NAV2: variants seen among roughly 807,000 people sequenced by gnomAD.
NAV2 encodes neuron navigator 2.
In NAV2, 54 loss-of-function variants were observed where a neutral mutation model predicts 223.2. That is an observed-to-expected ratio of 0.24 (90% CI 0.19 to 0.30). The LOEUF (loss-of-function observed/expected upper bound fraction) is 0.30. NAV2 is among the 10% of genes least tolerant of loss of function. The probability of loss-of-function intolerance (pLI) is 1.00; values close to 1 mark genes in which losing one functional copy is unlikely to be tolerated. For synonymous variants in NAV2, 1,279 were observed against 1,239.3 expected (o/e 1.03, Z -0.67); for missense variants, 2,806 against 3,147.5 (o/e 0.89, Z 2.60).
intron 1 of NAV2, among the ~76,000 whole-genome samples, chr11:19,827,880 C>T (rs1363808537): frequency 1.3e-5 from 2 of 152,044 alleles, no homozygotes; most frequent in African/African-American, 2.4e-5. Context: ...TGCGAGCCCA[C>T]GCCCAGGCCT....
intron 3 of NAV2, among the ~76,000 whole-genome samples, chr11:19,851,712 G>T (rs559014153): frequency 1.3e-5 from 2 of 152,230 alleles, no homozygotes; most frequent in Admixed American, 6.5e-5. Flanking sequence ...CAAAAAGTAC[G>T]CCCTCAGTGG....
chr11:19,717,332 G>A (rs1257094428), intron 1 of NAV2, among the ~76,000 whole-genome samples: 1 of 152,230 alleles, frequency 6.6e-6, no homozygotes, highest in Admixed American at 6.5e-5. Context: ...GGGCAACAGG[G>A]CACAACACAG....
chr11:19,351,976 A>AGTGTGTGT (rs59544307), intron 1 of NAV2, among the ~76,000 whole-genome samples: 2,796 of 145,658 alleles, frequency 0.019, 59 homozygotes, highest in African/African-American at 0.053. Context: ...TCTCTCTGTG[A>AGTGTGTGT]GTGTGTGTGT....
intron 11 of NAV2, among the ~76,000 whole-genome samples, chr11:20,034,475 G>A (rs1311312700): frequency 1.3e-5 from 2 of 151,952 alleles, no homozygotes; most frequent in Admixed American, 1.3e-4. Flanking sequence ...TGCCTCCCGG[G>A]TTCAAGCAAT....
chr11:19,670,883 C>A (rs1428388875), intron 1 of NAV2, among the ~76,000 whole-genome samples: 1 of 152,228 alleles, frequency 6.6e-6, no homozygotes, highest in Non-Finnish European at 1.5e-5. Flanking sequence ...CACTCTGCAG[C>A]CACAATCTAG....
At chr11:19,746,060 A>G (rs1219648812) in intron 1 of NAV2, among the ~76,000 whole-genome samples, 1 of 152,246 alleles carries the variant, frequency 6.6e-6, no homozygotes, top group African/African-American at 2.4e-5. Context: ...AGGGAAATGA[A>G]GACACTAAAA....
intron 1 of NAV2, among the ~76,000 whole-genome samples, chr11:19,530,153 T>G (rs2043983564): frequency 6.6e-6 from 1 of 152,108 alleles, no homozygotes. Flanking sequence ...AGCCTGGCAT[T>G]AGCATTCTGG....
At chr11:19,922,068 C>A (rs2044323185) in intron 6 of NAV2, among the ~76,000 whole-genome samples, 2 of 152,104 alleles carry the variant, frequency 1.3e-5, no homozygotes, top group Admixed American at 6.6e-5. Context: ...TTCCCCTTTT[C>A]CACAATTGCT....
intron 1 of NAV2, among the ~76,000 whole-genome samples, chr11:19,549,666 C>T (rs997889400): frequency 7.2e-5 from 11 of 152,232 alleles, no homozygotes; most frequent in African/African-American, 2.7e-4. Flanking sequence ...GGTGAGGGGG[C>T]TCCTGCAGCA....
At chr11:19,973,346 G>A (rs1416137102) in intron 10 of NAV2, among the ~76,000 whole-genome samples, 1 of 152,166 alleles carries the variant, frequency 6.6e-6, no homozygotes, top group Admixed American at 6.5e-5. Flanking sequence ...TGTGAAAAGT[G>A]AGCCTGTGTC....
At chr11:19,426,187 C>T (rs974505256) in intron 1 of NAV2, among the ~76,000 whole-genome samples, 2 of 152,150 alleles carry the variant, frequency 1.3e-5, no homozygotes, top group Non-Finnish European at 2.9e-5. Flanking sequence ...CTGGCCTCTC[C>T]AGTGCTCCTA....
chr11:19,509,558 A>T (rs1327597827), intron 1 of NAV2, among the ~76,000 whole-genome samples: 2 of 152,208 alleles, frequency 1.3e-5, no homozygotes, highest in East Asian at 3.8e-4. Context: ...TCCCGCACCG[A>T]TGGTTGGGAT....
chr11:19,790,739 C>A (rs1192961428), intron 1 of NAV2, among the ~76,000 whole-genome samples: 3 of 152,102 alleles, frequency 2.0e-5, no homozygotes, highest in African/African-American at 7.2e-5. Context: ...TCTTTTACTG[C>A]CCCCCAAGGT....
intron 10 of NAV2, among the ~76,000 whole-genome samples, chr11:19,962,318 A>G (rs2048409192): frequency 6.6e-6 from 1 of 152,050 alleles, no homozygotes; most frequent in African/African-American, 2.4e-5. Flanking sequence ...TTTAACCGTC[A>G]GTCTCATCTA....
chr11:20,118,275 A>T lies in NAV2; in HGVS notation c.*17A>T, dbSNP rs960531991. 6.2e-7 allele frequency: 1 copy of T among 1,612,766 alleles called. No homozygotes were observed. Among genetic ancestry groups the T allele is most frequent in the Non-Finnish European group, 8.5e-7 (1 of 1,179,660 alleles). On this transcript the variant is annotated 3_prime_UTR_variant, in exon 38 of 38. Coordinates refer to ENST00000349880, the MANE Select transcript of NAV2 (RefSeq NM_145117.5). ...ACTCTGTGACAGGGGCCCGGAGCCCAGCGCCCTCCTCTTCTCCTCACCGCA... is the reference window on the plus strand; with the variant it reads ...ACTCTGTGACAGGGGCCCGGAGCCCTGCGCCCTCCTCTTCTCCTCACCGCA...
At chr11:19,907,996 C>A (rs1349800188) in intron 6 of NAV2, among the ~76,000 whole-genome samples, 1 of 152,168 alleles carries the variant, frequency 6.6e-6, no homozygotes, top group Non-Finnish European at 1.5e-5. Flanking sequence ...TTCTGTGTTC[C>A]CTTCAGTCTG....
chr11:20,082,630 C>A, intron 25 of NAV2: 1 of 1,605,288 alleles, frequency 6.2e-7, no homozygotes, highest in Non-Finnish European at 8.5e-7. Flanking sequence ...ATATCAGATA[C>A]CAAGCTAACC....
intron 1 of NAV2, among the ~76,000 whole-genome samples, chr11:19,766,693 G>C (rs759957353): frequency 7.2e-5 from 11 of 152,148 alleles, no homozygotes; most frequent in Admixed American, 1.3e-4. Flanking sequence ...CTCAGCTCCA[G>C]ATGTGAAGCC....
At chr11:19,435,113 C>T (rs1374920103) in intron 1 of NAV2, among the ~76,000 whole-genome samples, 1 of 152,088 alleles carries the variant, frequency 6.6e-6, no homozygotes, top group African/African-American at 2.4e-5. Flanking sequence ...TTAAAATCCT[C>T]TTTTTAAACT....
Sources: allele counts gnomAD v4.1 joint callset (sites outside exome capture counted in the v4.1 genomes callset), GRCh38; gene constraint gnomAD v4.1.1; transcripts MANE v1.5; gene names NCBI Gene and HGNC (gene_info 2026-07-23, HGNC 2026-07-21).